The following BPTF variants were observed in gnomAD, a reference collection of about 807,000 sequenced individuals.
The protein encoded by BPTF is bromodomain PHD finger transcription factor, also known as nucleosome-remodeling factor subunit BPTF.
Under a neutral mutation model 292.5 loss-of-function variants are expected in BPTF, and 18 were observed. The ratio of observed to expected loss-of-function variants is 0.06; its 90% confidence interval spans 0.04 to 0.09. The LOEUF is 0.09. Ranked by LOEUF, BPTF falls within the 10% of genes least tolerant of loss-of-function variation. BPTF has a pLI of 1.00. For missense variants in BPTF, 2,726 were observed against 3,498.7 expected, an observed-to-expected ratio of 0.78 and a Z score of 5.57; for synonymous variants, 1,225 against 1,251.9, an observed-to-expected ratio of 0.98 and a Z score of 0.45.
chr17:67,829,583 T>C (rs1419424474), intron 1 of BPTF, among the ~76,000 whole-genome samples: 11 of 152,002 alleles, frequency 7.2e-5, no homozygotes, highest in Admixed American at 5.9e-4. Context: ...ACCAGTTTCA[T>C]TGGTTTTTTA....
At chr17:67,931,189 C>T (rs1486057344) in intron 17 of BPTF, among the ~76,000 whole-genome samples, 1 of 152,100 alleles carries the variant, frequency 6.6e-6, no homozygotes, top group African/African-American at 2.4e-5. Context: ...TGCTTGAACC[C>T]GGGAGGCGGA....
intron 4 of BPTF, among the ~76,000 whole-genome samples, chr17:67,882,732 C>T (rs1283732570): frequency 6.6e-6 from 1 of 152,164 alleles, no homozygotes; most frequent in Non-Finnish European, 1.5e-5. Context: ...CTGGGCTGGG[C>T]GTGGTGGCTG....
intron 1 of BPTF, among the ~76,000 whole-genome samples, chr17:67,831,508 G>A (rs1392484421): frequency 2.6e-5 from 4 of 152,116 alleles, no homozygotes; most frequent in Admixed American, 2.6e-4. Context: ...GCTCACCCAC[G>A]GGCGTGTTTG....
At chr17:67,881,834 G>C (rs868424791) in intron 4 of BPTF, among the ~76,000 whole-genome samples, 1 of 142,486 alleles carries the variant, frequency 7.0e-6, no homozygotes, top group Middle Eastern at 3.9e-3. Context: ...CTGTAATATG[G>C]AGTTTTGGGG....
intron 18 of BPTF, among the ~76,000 whole-genome samples, chr17:67,939,990 A>C (rs1197397172): frequency 6.6e-6 from 1 of 152,264 alleles, no homozygotes; most frequent in Admixed American, 6.5e-5. Flanking sequence ...AGAGAAGCTT[A>C]TTATAAATGC....
intron 27 of BPTF, chr17:67,981,470 A>G (rs1435073655): frequency 1.6e-6 from 2 of 1,241,764 alleles, no homozygotes; most frequent in East Asian, 6.7e-5. Flanking sequence ...TTTAACTGGA[A>G]TCAGAACTGG....
intron 1 of BPTF, among the ~76,000 whole-genome samples, chr17:67,827,605 C>T (rs2056208457): frequency 6.6e-6 from 1 of 151,830 alleles, no homozygotes; most frequent in South Asian, 2.1e-4. Context: ...GAAAAAAGAC[C>T]TTTTTTTTCG....
At chr17:67,931,568 T>C (rs2064391181) in intron 17 of BPTF, among the ~76,000 whole-genome samples, 1 of 152,204 alleles carries the variant, frequency 6.6e-6, no homozygotes, top group Non-Finnish European at 1.5e-5. Flanking sequence ...GGGTTACAGG[T>C]ATGGTCTGGA....
At position 67,968,840 on chromosome 17, in the gene BPTF, G is replaced by A. The variant is rs549705968; in HGVS notation, c.8539+2184G>A. Among the ~76,000 whole-genome samples, 38 of 150,970 alleles carry A rather than the reference G, an allele frequency of 2.5e-4. 3 individuals carry two copies. The East Asian group carries it at 6.2e-3, about 25-fold the overall frequency. ...AATAAATACTATACAAAATTAGCCC[G>A]GCGTGGTGGCACATGCCTATAATCC... On this transcript the variant is annotated intron_variant, in intron 26 of 27. Coordinates refer to ENST00000306378, the MANE Select transcript of BPTF (RefSeq NM_182641.4).
intron 4 of BPTF, chr17:67,875,427 T>C (rs888379044): frequency 5.4e-6 from 3 of 559,682 alleles, no homozygotes; most frequent in Non-Finnish European, 8.9e-6. Flanking sequence ...GAGAATCTAC[T>C]TGCTTTAAAA....
At chr17:67,924,207 G>A (rs1261833764) in intron 14 of BPTF, among the ~76,000 whole-genome samples, 2 of 151,652 alleles carry the variant, frequency 1.3e-5, no homozygotes, top group Non-Finnish European at 2.9e-5. Flanking sequence ...CACCTGCCTC[G>A]GCCTCCCAAA....
chr17:67,869,274 T>C (rs1226641235), intron 3 of BPTF, among the ~76,000 whole-genome samples: 1 of 151,926 alleles, frequency 6.6e-6, no homozygotes, highest in Non-Finnish European at 1.5e-5. Context: ...TTTTTCAGAA[T>C]AAAAAATAGA....
chr17:67,963,466 G>A, intron 24 of BPTF: 1 of 1,535,942 alleles, frequency 6.5e-7, no homozygotes, highest in Non-Finnish European at 8.7e-7. Context: ...CAGCAGTGAG[G>A]AATTGTACTG....
intron 1 of BPTF, among the ~76,000 whole-genome samples, chr17:67,826,655 T>C (rs544538261): frequency 1.7e-3 from 249 of 147,348 alleles, no homozygotes; most frequent in Middle Eastern, 3.4e-3. Flanking sequence ...GGATTGAAAC[T>C]TTGGCAAACA....
rs372946073 is a variant in BPTF, at chr17:67,982,267, A to G, written c.8742A>G (p.Lys2914=). The G allele has an allele frequency of 2.2e-4, 349 of 1,611,436 alleles. 1 individual carries two copies. Among genetic ancestry groups the G allele is most frequent in the Non-Finnish European group, 2.7e-4 (320 of 1,178,296 alleles). The change falls in exon 28 of 28, where the codon AAA becomes AAG. Residue 2914 remains lysine (K), a synonymous_variant. Coordinates refer to ENST00000306378, the MANE Select transcript of BPTF (RefSeq NM_182641.4). The part of the protein sequence containing the change: ...GFKASRSHNN[K]LQSTAS The stretch of plus-strand genomic sequence containing the variant: ...TATTCTGTAGGTCTCATAACAACAA[A>G]CTGCAGTCTACAGCTTCTTAAAGTT...
chr17:67,906,568 C>T (rs1422972938), intron 9 of BPTF, among the ~76,000 whole-genome samples: 1 of 152,148 alleles, frequency 6.6e-6, no homozygotes, highest in Non-Finnish European at 1.5e-5. Flanking sequence ...AGTGATAGAA[C>T]GCTGGCAGGT....
chr17:67,881,858 G>GT (rs71354089), intron 4 of BPTF, among the ~76,000 whole-genome samples: 4,374 of 29,956 alleles, frequency 0.15, 502 homozygotes, highest in African/African-American at 0.24. Context: ...TTGGGTTTTT[G>GT]TTTTTTTTTT....
At chr17:67,841,560 C>T (rs2057560001) in intron 1 of BPTF, among the ~76,000 whole-genome samples, 2 of 151,522 alleles carry the variant, frequency 1.3e-5, no homozygotes, top group South Asian at 2.1e-4. Flanking sequence ...TCATGATATT[C>T]GTCTATTGTT....
chr17:67,869,637 A>G lies in BPTF; in HGVS notation c.1660+2950A>G, dbSNP rs976047820. Among the ~76,000 whole-genome samples, 46 of 152,224 alleles carry G rather than the reference A, an allele frequency of 3.0e-4. 1 individual carries two copies. Among genetic ancestry groups the G allele is most frequent in the South Asian group, 1.4e-3 (7 of 4,830 alleles). On this transcript the variant is annotated intron_variant, in intron 3 of 27. Coordinates refer to ENST00000306378, the MANE Select transcript of BPTF (RefSeq NM_182641.4). Reference sequence around the variant, plus strand: ...TTCTCATATTTTTTGCATTTCCTACAATGAGCATGTTATATAGTTCAGTAT... The same window carrying G: ...TTCTCATATTTTTTGCATTTCCTACGATGAGCATGTTATATAGTTCAGTAT...
Sources: allele counts gnomAD v4.1 joint callset (sites outside exome capture counted in the v4.1 genomes callset), GRCh38; gene constraint gnomAD v4.1.1; transcripts MANE v1.5; gene names NCBI Gene and HGNC (gene_info 2026-07-23, HGNC 2026-07-21).